SLFN11: variants seen among roughly 807,000 people sequenced by gnomAD.
SLFN11 encodes schlafen family member 11.
In SLFN11, 43 loss-of-function variants were observed where a neutral mutation model predicts 53.4. The observed-to-expected ratio is 0.80, with a 90% CI of 0.63 to 1.04. The LOEUF is 1.04. SLFN11 is among the 50% of genes least tolerant of loss of function. The pLI is 0.00. For synonymous variants in SLFN11, 389 were observed against 394.7 expected (o/e 0.99, Z 0.17); for missense variants, 990 against 1,079.1 (o/e 0.92, Z 1.16).
rs191737585 is a variant in SLFN11, at chr17:35,371,511, C to T, written c.-235+1963G>A. ...TAAAAAGCTTCTGCACAGCAAAGAACGCAATCAACAAAGTGAAAAGACAAC... is the reference window on the plus strand; with the variant it reads ...TAAAAAGCTTCTGCACAGCAAAGAATGCAATCAACAAAGTGAAAAGACAAC... On this transcript the variant is annotated intron_variant, in intron 1 of 6. Transcript: ENST00000685675. Among the ~76,000 whole-genome samples the T allele has an allele frequency of 7.0e-4, 107 of 152,070 alleles. 1 individual carries two copies. The highest frequency in any genetic ancestry group is 2.5e-3 in the African/African-American group (104 of 41,508).
At chr17:35,356,797 T>TACACACACACACACAC (rs61566848) in intron 5 of SLFN11, among the ~76,000 whole-genome samples, 46 of 140,184 alleles carry the variant, frequency 3.3e-4, no homozygotes, top group Middle Eastern at 7.2e-3. Flanking sequence ...ATATGTAGCA[T>TACACACACACACACAC]ACACACACAC....
chr17:35,355,399 CAAAAAAT>C (rs966730718), intron 5 of SLFN11, among the ~76,000 whole-genome samples: 1 of 151,754 alleles, frequency 6.6e-6, no homozygotes, highest in African/African-American at 2.4e-5. Flanking sequence ...GATACTGTCT[CAAAAAAT>C]AAAAAATAAA....
chr17:35,370,883 A>G (rs1300738723), intron 1 of SLFN11, among the ~76,000 whole-genome samples: 1 of 152,148 alleles, frequency 6.6e-6, no homozygotes, highest in Admixed American at 6.5e-5. Flanking sequence ...TTGTTAAAAT[A>G]TCCATACTTC....
At position 35,351,566 on chromosome 17, in the gene SLFN11, G is replaced by A. The variant is rs1198423111; in HGVS notation, c.*790C>T. 2.6e-5 allele frequency: 4 copies of A among 152,176 alleles called. No homozygotes were observed. Among genetic ancestry groups the A allele is most frequent in the Non-Finnish European group, 5.9e-5 (4 of 68,036 alleles). 9.4% of individuals were successfully genotyped at this position (152,176 alleles called of 1,614,324 possible). ...TTTAAAGACAATCTTTCCCAAGTCT[G>A]GTTCACCTTAGGGCTGATACACACC... On this transcript the variant is annotated 3_prime_UTR_variant, in exon 7 of 7. Transcript: ENST00000685675.
At chr17:35,354,868 G>GA (rs1305147262) in intron 5 of SLFN11, among the ~76,000 whole-genome samples, 1 of 152,012 alleles carries the variant, frequency 6.6e-6, no homozygotes, top group African/African-American at 2.4e-5. Context: ...AATTTCAAAT[G>GA]AAATTACCCA....
chr17:35,363,061 T>A lies in SLFN11; in HGVS notation c.747A>T (p.Gly249=). The A allele has an allele frequency of 6.2e-7, 1 of 1,613,968 alleles. No homozygotes were observed. Among genetic ancestry groups the A allele is most frequent in the East Asian group, 2.2e-5 (1 of 44,892 alleles). ...ANTGGGYLFI[G]VDDKSREVLG... Reference sequence around the variant, plus strand: ...GGACTTCCCTACTCTTATCATCCACTCCAATAAAAAGATAGCCTCCTCCAG... The same window carrying A: ...GGACTTCCCTACTCTTATCATCCACACCAATAAAAAGATAGCCTCCTCCAG... The change falls in exon 4 of 7, where the codon GGA becomes GGT. Residue 249 remains glycine (G), a synonymous_variant. Transcript: ENST00000685675.
intron 1 of SLFN11, among the ~76,000 whole-genome samples, chr17:35,371,337 C>T (rs1909628341): frequency 6.6e-6 from 1 of 152,064 alleles, no homozygotes; most frequent in African/African-American, 2.4e-5. Context: ...GGGTTAAAGA[C>T]TCAAATCTAA....
intron 5 of SLFN11, among the ~76,000 whole-genome samples, chr17:35,357,141 T>TGC (rs1162482485): frequency 2.6e-5 from 2 of 76,828 alleles, no homozygotes; most frequent in East Asian, 1.1e-3. Flanking sequence ...TTTCTGTGCG[T>TGC]GTGTGTGTGT....
intron 1 of SLFN11, among the ~76,000 whole-genome samples, chr17:35,370,457 C>G (rs1282899890): frequency 6.6e-6 from 1 of 151,830 alleles, no homozygotes; most frequent in Non-Finnish European, 1.5e-5. Context: ...TGTTATTCAA[C>G]ATAGAAATCC....
At chr17:35,364,781 T>C (rs1246408294) in intron 3 of SLFN11, among the ~76,000 whole-genome samples, 1 of 152,154 alleles carries the variant, frequency 6.6e-6, no homozygotes, top group Non-Finnish European at 1.5e-5. Context: ...TTTAACACTA[T>C]ATTTTGGTTC....
chr17:35,361,903 T>G (rs915684390), intron 4 of SLFN11, among the ~76,000 whole-genome samples: 1 of 151,772 alleles, frequency 6.6e-6, no homozygotes, highest in Non-Finnish European at 1.5e-5. Flanking sequence ...CACCACCACG[T>G]CTGACTAATT....
At position 35,351,292 on chromosome 17, in the gene SLFN11, C is replaced by T. The variant is rs1384940299; in HGVS notation, c.*1064G>A. 1 of 152,200 alleles carries T rather than the reference C, an allele frequency of 6.6e-6. No individual in the cohort carries two copies. Among genetic ancestry groups the T allele is most frequent in the Non-Finnish European group, 1.5e-5 (1 of 68,052 alleles). The allele number at this position is 152,200 out of a possible 1,614,324, so 9.4% of individuals were successfully genotyped here. On this transcript the variant is annotated 3_prime_UTR_variant, in exon 7 of 7. Transcript: ENST00000685675. ...CCAACCTTAGCAGATCAGAGCCCCA[C>T]CATGACTTCATGTAACCTTAATTAC...
At position 35,350,977 on chromosome 17, in the gene SLFN11, G is replaced by A. The variant is rs989180152; in HGVS notation, c.*1379C>T. 1 of 152,216 alleles carries A rather than the reference G, an allele frequency of 6.6e-6. No homozygotes were observed. Among genetic ancestry groups the A allele is most frequent in the Non-Finnish European group, 1.5e-5 (1 of 68,040 alleles). 9.4% of individuals were successfully genotyped at this position (152,216 alleles called of 1,614,324 possible). On this transcript the variant is annotated 3_prime_UTR_variant, in exon 7 of 7. Transcript: ENST00000685675. Reference sequence around the variant, plus strand: ...TAAATAATTGCATTAGCATTGTTAAGTATCAGTGTTTTCTGTTTGACAAAT... The same window carrying A: ...TAAATAATTGCATTAGCATTGTTAAATATCAGTGTTTTCTGTTTGACAAAT...
chr17:35,372,648 G>GT (rs1327044482), intron 1 of SLFN11, among the ~76,000 whole-genome samples: 1 of 151,970 alleles, frequency 6.6e-6, no homozygotes, highest in African/African-American at 2.4e-5. Context: ...TGGATTGTTG[G>GT]TAACACAAAG....
rs1906693938 is a variant in SLFN11 at position 35,351,691 on chromosome 17, T to C, written c.*665A>G. ...CTTGGCCTATAATTTCTCCTTAAAG[T>C]GACCATTAATATTCACTATCACAAT... On this transcript the variant is annotated 3_prime_UTR_variant, in exon 7 of 7. Coordinates refer to ENST00000685675, the MANE Select transcript of SLFN11 (RefSeq NM_001376007.1). 1 of 152,246 alleles carries C rather than the reference T, an allele frequency of 6.6e-6. No individual in the cohort carries two copies. Among genetic ancestry groups the C allele is most frequent in the Admixed American group, 6.5e-5 (1 of 15,292 alleles). 9.4% of individuals were successfully genotyped at this position (152,246 alleles called of 1,614,324 possible). A position where few individuals can be genotyped will look rare whatever the true frequency, so the allele number is the denominator to read the frequency against.
intron 5 of SLFN11, chr17:35,360,039 CT>C: frequency 4.0e-6 from 2 of 498,446 alleles, no homozygotes. Flanking sequence ...TTCCTGGATT[CT>C]ATGTGTGGTC....
Position 35,351,542 on chromosome 17 carries a change from T to C in SLFN11, c.*814A>G, listed in dbSNP as rs1906678893. ...AGTTAAAACATAAACTCATTGATTTTTAAAGACAATCTTTCCCAAGTCTGG... is the reference window on the plus strand; with the variant it reads ...AGTTAAAACATAAACTCATTGATTTCTAAAGACAATCTTTCCCAAGTCTGG... On this transcript the variant is annotated 3_prime_UTR_variant, in exon 7 of 7. Coordinates refer to ENST00000685675, the MANE Select transcript of SLFN11 (RefSeq NM_001376007.1). 4 of 152,208 alleles carry C rather than the reference T, an allele frequency of 2.6e-5. 1 individual carries two copies. Among genetic ancestry groups the C allele is most frequent in the Admixed American group, 2.6e-4 (4 of 15,276 alleles). 9.4% of individuals were successfully genotyped at this position (152,208 alleles called of 1,614,324 possible).
chr17:35,356,298 A>G (rs1226954297), intron 5 of SLFN11, among the ~76,000 whole-genome samples: 1 of 152,152 alleles, frequency 6.6e-6, no homozygotes, highest in Non-Finnish European at 1.5e-5. Flanking sequence ...TTTGTTTACC[A>G]CCATTAATGT....
chr17:35,352,139 T>C lies in SLFN11; in HGVS notation c.*217A>G. Reference sequence around the variant, plus strand: ...TTCCTTTAGAAAACCACCATCTTTCTGGCTGGAAGAGTCAGGGGTCAGAAT... The same window carrying C: ...TTCCTTTAGAAAACCACCATCTTTCCGGCTGGAAGAGTCAGGGGTCAGAAT... On this transcript the variant is annotated 3_prime_UTR_variant, in exon 7 of 7. Transcript: ENST00000685675. The C allele has an allele frequency of 1.7e-6, 1 of 600,300 alleles. No individual in the cohort carries two copies. The highest frequency in any genetic ancestry group is 2.9e-6 in the Non-Finnish European group (1 of 343,088). 37.2% of individuals were successfully genotyped at this position (600,300 alleles called of 1,614,324 possible).
Sources: gnomAD v4.1 joint callset for allele counts (sites outside exome capture counted in the v4.1 genomes callset) on GRCh38, gnomAD v4.1.1 for gene constraint, MANE v1.5 for transcripts, NCBI Gene and HGNC (gene_info 2026-07-23, HGNC 2026-07-21) for gene names.